The following SYNE3 variants were observed in gnomAD, a reference collection of about 807,000 sequenced individuals.
SYNE3 encodes nesprin-3.
A neutral mutation model predicts 111.2 loss-of-function variants in SYNE3; 100 were observed. That is an observed-to-expected ratio of 0.90 (90% CI 0.77 to 1.06). The LOEUF is 1.06. SYNE3 is among the 50% of genes least tolerant of loss of function. The pLI, the probability that SYNE3 is intolerant of heterozygous loss-of-function variation, is 0.00. For synonymous variants in SYNE3, 547 were observed against 533.9 expected (o/e 1.02, Z -0.34); for missense variants, 1,160 against 1,240.3 (o/e 0.94, Z 0.97).
chr14:95,472,704 G>T (rs1003807693), intron 2 of SYNE3, among the ~76,000 whole-genome samples: 1 of 152,178 alleles, frequency 6.6e-6, no homozygotes, highest in Non-Finnish European at 1.5e-5. Context: ...TTTGGAGCCC[G>T]GGCCTGCAGA....
chr14:95,482,693 A>G lies in SYNE3; in HGVS notation c.-14-6858T>C, dbSNP rs554403159. Among the ~76,000 whole-genome samples, 189 of 152,322 alleles carry G rather than the reference A, an allele frequency of 1.2e-3. 1 individual carries two copies. Among genetic ancestry groups the G allele is most frequent in the African/African-American group, 4.1e-3 (170 of 41,566 alleles). ...CTCGGAGACACAAACAGTCTGCTGAAAAGTGGTGGACCCAGGTCCACCAAT... is the reference window on the plus strand; with the variant it reads ...CTCGGAGACACAAACAGTCTGCTGAGAAGTGGTGGACCCAGGTCCACCAAT... On this transcript the variant is annotated intron_variant, in intron 1 of 17. Coordinates refer to ENST00000682763, the MANE Select transcript of SYNE3 (RefSeq NM_152592.6).
chr14:95,459,934 C>CA (rs889995675), intron 4 of SYNE3, among the ~76,000 whole-genome samples: 1 of 151,618 alleles, frequency 6.6e-6, no homozygotes, highest in Non-Finnish European at 1.5e-5. Flanking sequence ...GGCATCTCTA[C>CA]AAAAAATTTA....
intron 5 of SYNE3, among the ~76,000 whole-genome samples, chr14:95,456,867 A>G (rs1238277671): frequency 6.6e-6 from 1 of 152,070 alleles, no homozygotes; most frequent in African/African-American, 2.4e-5. Context: ...GGCAGATCAC[A>G]AGGTCAGGAG....
Position 95,443,137 on chromosome 14 carries a change from C to A in SYNE3, c.1911+18G>T, listed in dbSNP as rs1432844228. 1.9e-6 allele frequency: 3 copies of A among 1,613,332 alleles called. No individual in the cohort carries two copies. Among genetic ancestry groups the A allele is most frequent in the Non-Finnish European group, 2.5e-6 (3 of 1,179,734 alleles). On this transcript the variant is annotated intron_variant, in intron 11 of 17. Coordinates refer to ENST00000682763, the MANE Select transcript of SYNE3 (RefSeq NM_152592.6). ...CCGGCTCTCTGTCAAAGCACAGGCC[C>A]TTCTGCCAGCCCCTTACCTCCAGAG...
intron 16 of SYNE3, among the ~76,000 whole-genome samples, chr14:95,432,334 C>T (rs1007524227): frequency 2.0e-5 from 3 of 152,180 alleles, no homozygotes; most frequent in Admixed American, 6.5e-5. Context: ...CTGGAAAGGC[C>T]GTGGCCAAGG....
intron 1 of SYNE3, among the ~76,000 whole-genome samples, chr14:95,494,422 G>C (rs1283310542): frequency 6.6e-6 from 1 of 152,192 alleles, no homozygotes; most frequent in Non-Finnish European, 1.5e-5. Flanking sequence ...CGAGTGGATG[G>C]ACTGGCGAGA....
rs776891595 is a variant in SYNE3, at chr14:95,467,778, G to T, written c.317+17C>A. 3 of 1,613,718 alleles carry T rather than the reference G, an allele frequency of 1.9e-6. No individual in the cohort carries two copies. Among genetic ancestry groups the T allele is most frequent in the Non-Finnish European group, 2.5e-6 (3 of 1,179,894 alleles). ...AGGGTAAATGGCAGCTGTGGACAAA[G>T]GCCCTGGATGCCCTACCTGTGACAG... is the stretch of plus-strand genomic sequence containing the variant. On this transcript the variant is annotated intron_variant, in intron 3 of 17. Coordinates refer to ENST00000682763, the MANE Select transcript of SYNE3 (RefSeq NM_152592.6).
At chr14:95,437,249 A>T (rs1054623476) in intron 14 of SYNE3, among the ~76,000 whole-genome samples, 3 of 152,124 alleles carry the variant, frequency 2.0e-5, no homozygotes, top group Non-Finnish European at 4.4e-5. Flanking sequence ...ACAAATAGTC[A>T]CCCTTCCACC....
intron 1 of SYNE3, among the ~76,000 whole-genome samples, chr14:95,488,652 A>G (rs1889673410): frequency 8.5e-6 from 1 of 117,224 alleles, no homozygotes; most frequent in Admixed American, 1.1e-4. Flanking sequence ...ACACATGGAG[A>G]TCCTGTTTCA....
chr14:95,509,827 T>C (rs193101365), intron 1 of SYNE3, among the ~76,000 whole-genome samples: 8 of 152,330 alleles, frequency 5.3e-5, no homozygotes, highest in African/African-American at 1.9e-4. Context: ...TGCCATTTCA[T>C]TTTCATCAAG....
At chr14:95,429,255 T>C (rs1885609647) in intron 17 of SYNE3, among the ~76,000 whole-genome samples, 1 of 152,208 alleles carries the variant, frequency 6.6e-6, no homozygotes, top group South Asian at 2.1e-4. Context: ...ACCTACTATG[T>C]GCCATGGTTA....
At chr14:95,493,560 T>A (rs72692790) in intron 1 of SYNE3, among the ~76,000 whole-genome samples, 1 of 152,132 alleles carries the variant, frequency 6.6e-6, no homozygotes, top group Non-Finnish European at 1.5e-5. Context: ...ATAAATGACA[T>A]GAAATTTTTG....
intron 17 of SYNE3, among the ~76,000 whole-genome samples, chr14:95,419,046 C>T (rs1375978167): frequency 6.6e-6 from 1 of 152,236 alleles, no homozygotes; most frequent in East Asian, 1.9e-4. Context: ...GCCTAATGGA[C>T]TTCTCTGCTA....
intron 1 of SYNE3, among the ~76,000 whole-genome samples, chr14:95,496,555 G>A (rs1017223677): frequency 6.6e-6 from 1 of 152,182 alleles, no homozygotes; most frequent in Non-Finnish European, 1.5e-5. Context: ...GGGCCACGAG[G>A]GCTCCATGAA....
chr14:95,440,558 G>A (rs1000173188), intron 11 of SYNE3, among the ~76,000 whole-genome samples: 2 of 152,312 alleles, frequency 1.3e-5, no homozygotes, highest in Admixed American at 6.5e-5. Context: ...ATAAATACAC[G>A]GTGGTATATT....
rs776012276 is a variant in SYNE3, at chr14:95,436,920, A to C, written c.2438T>G (p.Phe813Cys). Residue 813 changes from phenylalanine (F) to cysteine (C), a missense_variant, in exon 15 of 18, where the codon TTT (phenylalanine) becomes TGT (cysteine). Phe to Cys is a radical substitution (Grantham distance 205). Coordinates refer to ENST00000682763, the MANE Select transcript of SYNE3 (RefSeq NM_152592.6). ...GTTTTCCACCTGCAACCACTGCCCA[A>C]AGTTCCTCAGGAGCTGGGAGAAATC... ...HEDFSQLLRN[F>C]GQWLQVENSK... 1 of 1,614,138 alleles carries C rather than the reference A, an allele frequency of 6.2e-7. No homozygotes were observed. Among genetic ancestry groups the C allele is most frequent in the Admixed American group, 1.7e-5 (1 of 60,026 alleles).
At chr14:95,427,766 T>A (rs1294239828) in intron 17 of SYNE3, among the ~76,000 whole-genome samples, 2 of 103,406 alleles carry the variant, frequency 1.9e-5, no homozygotes, top group Admixed American at 2.2e-4. Context: ...GGTCTCTGTG[T>A]CTTGGTGGTA....
intron 7 of SYNE3, chr14:95,451,538 C>T (rs1017293593): frequency 2.0e-5 from 3 of 152,286 alleles, no homozygotes; most frequent in Admixed American, 1.3e-4. Context: ...TAGCATCCCA[C>T]GGGGGATCCA....
chr14:95,462,721 T>G (rs1887910307), intron 4 of SYNE3, among the ~76,000 whole-genome samples: 1 of 152,174 alleles, frequency 6.6e-6, no homozygotes, highest in Non-Finnish European at 1.5e-5. Flanking sequence ...GGGCCCCAGC[T>G]CATCCTGATG....
Sources: gnomAD v4.1 joint callset for allele counts (sites outside exome capture counted in the v4.1 genomes callset) on GRCh38, gnomAD v4.1.1 for gene constraint, MANE v1.5 for transcripts, NCBI Gene and HGNC (gene_info 2026-07-23, HGNC 2026-07-21) for gene names.